Variants in SAMMSON observed in about 807,000 individuals in gnomAD.
SAMMSON encodes the protein long intergenic non-protein coding RNA 1212.
At chr3:70,354,589 A>G (rs937640970) in intron 8 of SAMMSON, among the ~76,000 whole-genome samples, 1 of 152,184 alleles carries the variant, frequency 6.6e-6, no homozygotes, top group Non-Finnish European at 1.5e-5. Context: ...TTCTGGCTGC[A>G]GGGAGTGTAA....
At chr3:70,266,656 T>C (rs1209308493) in intron 6 of SAMMSON, among the ~76,000 whole-genome samples, 1 of 152,076 alleles carries the variant, frequency 6.6e-6, no homozygotes, top group Non-Finnish European at 1.5e-5. Context: ...ATGTTGCCCA[T>C]GCTGGTCTCA....
At chr3:70,032,503 A>G (rs1576103162) in intron 3 of SAMMSON, among the ~76,000 whole-genome samples, 1 of 152,170 alleles carries the variant, frequency 6.6e-6, no homozygotes, top group East Asian at 1.9e-4. Flanking sequence ...AAAGGCTGGG[A>G]AGAAAACAAC....
At chr3:70,247,166 T>C (rs986801654) in intron 4 of SAMMSON, among the ~76,000 whole-genome samples, 2 of 152,022 alleles carry the variant, frequency 1.3e-5, no homozygotes, top group Non-Finnish European at 2.9e-5. Flanking sequence ...TTTTTCTCCT[T>C]TTTTCTAACT....
Position 70,215,532 on chromosome 3 carries a change from G to A in SAMMSON, n.508-33575G>A, listed in dbSNP as rs559795034. The stretch of plus-strand genomic sequence containing the variant: ...GCTTTTTCCAAACTTAGCCCTCAAA[G>A]CCCACTATAAGAAGCTTCCTACAAC... On this transcript the variant is annotated intron_variant and non_coding_transcript_variant, in intron 4 of 9. Transcript: ENST00000642114. 8.6e-5 allele frequency among the ~76,000 whole-genome samples: 13 copies of A among 152,032 alleles called. 1 individual carries two copies. The South Asian group carries it at 2.7e-3, about 32-fold the overall frequency.
chr3:70,020,746 A>G (rs2067010063), intron 3 of SAMMSON, among the ~76,000 whole-genome samples: 1 of 152,188 alleles, frequency 6.6e-6, no homozygotes, highest in African/African-American at 2.4e-5. Context: ...AGTAGCAGCT[A>G]CTGTTGATCG....
rs1241312209 is a variant in SAMMSON at position 70,262,639 on chromosome 3, A to G, written n.674+12969A>G. On this transcript the variant is annotated intron_variant and non_coding_transcript_variant, in intron 6 of 9. Coordinates refer to ENST00000642114, the Ensembl canonical transcript of SAMMSON. ...TCTGCTAGGTTCAAAGCAAGCAGTC[A>G]TTGACTCTCAAATTTTACACTTGTG... is the stretch of plus-strand genomic sequence containing the variant. 2.0e-5 allele frequency among the ~76,000 whole-genome samples: 3 copies of G among 152,286 alleles called. No homozygotes were observed. The East Asian group carries it at 5.8e-4, about 29-fold the overall frequency.
intron 3 of SAMMSON, among the ~76,000 whole-genome samples, chr3:70,049,923 T>C (rs2067140092): frequency 6.6e-6 from 1 of 152,088 alleles, no homozygotes. Flanking sequence ...TGTAACCCTT[T>C]AAGATAACAG....
intron 3 of SAMMSON, among the ~76,000 whole-genome samples, chr3:70,023,166 G>A (rs1183467492): frequency 6.6e-6 from 1 of 151,988 alleles, no homozygotes; most frequent in Non-Finnish European, 1.5e-5. Flanking sequence ...AATCTTATAT[G>A]TTTCTTTAGG....
At chr3:70,032,646 T>A (rs1400284400) in intron 3 of SAMMSON, among the ~76,000 whole-genome samples, 1 of 152,198 alleles carries the variant, frequency 6.6e-6, no homozygotes, top group East Asian at 1.9e-4. Flanking sequence ...AGTTTGATGG[T>A]TAGTACCATG....
intron 4 of SAMMSON, chr3:70,125,532 C>A: frequency 1.4e-6 from 1 of 692,256 alleles, no homozygotes; most frequent in Non-Finnish European, 2.6e-6. Context: ...AAGATTTTTC[C>A]AAATCCTATA....
At chr3:70,398,777 A>C (rs1170424595) in intron 2 of SAMMSON, among the ~76,000 whole-genome samples, 3 of 152,222 alleles carry the variant, frequency 2.0e-5, no homozygotes, top group Non-Finnish European at 4.4e-5. Flanking sequence ...TCTTCTGAGA[A>C]ACACATAAAT....
At chr3:70,091,703 C>T (rs1411500122) in intron 4 of SAMMSON, among the ~76,000 whole-genome samples, 2 of 152,206 alleles carry the variant, frequency 1.3e-5, no homozygotes, top group Non-Finnish European at 2.9e-5. Context: ...GAGTGACAGG[C>T]AAATATTTGG....
At chr3:70,003,957 ACTAT>A (rs1251122439) in intron 1 of SAMMSON, among the ~76,000 whole-genome samples, 1 of 151,998 alleles carries the variant, frequency 6.6e-6, no homozygotes, top group Non-Finnish European at 1.5e-5. Context: ...TTATATATTT[ACTAT>A]CTTTTTTCTT....
intron 6 of SAMMSON, among the ~76,000 whole-genome samples, chr3:70,268,474 CAAAAA>C (rs66482424): frequency 1.0e-5 from 1 of 96,612 alleles, no homozygotes; most frequent in South Asian, 3.7e-4. Context: ...GACTCCGTCT[CAAAAA>C]AAAAAAAAAA....
At chr3:70,236,119 T>G (rs908109496) in intron 4 of SAMMSON, among the ~76,000 whole-genome samples, 4 of 152,202 alleles carry the variant, frequency 2.6e-5, no homozygotes, top group Non-Finnish European at 4.4e-5. Context: ...ACCTAACTTA[T>G]TCTCTAATGA....
intron 3 of SAMMSON, among the ~76,000 whole-genome samples, chr3:70,048,527 G>T (rs2067135213): frequency 6.6e-6 from 1 of 152,010 alleles, no homozygotes; most frequent in South Asian, 2.1e-4. Flanking sequence ...TGATGAGGAA[G>T]TTTCATCCTT....
chr3:70,396,669 T>A (rs1347831925), intron 2 of SAMMSON, among the ~76,000 whole-genome samples: 1 of 152,204 alleles, frequency 6.6e-6, no homozygotes, highest in African/African-American at 2.4e-5. Flanking sequence ...GAAATCTGTC[T>A]TGGAAATGTA....
chr3:70,028,775 A>G (rs2067052888), intron 3 of SAMMSON, among the ~76,000 whole-genome samples: 1 of 152,202 alleles, frequency 6.6e-6, no homozygotes, highest in African/African-American at 2.4e-5. Flanking sequence ...TCAAAATGAG[A>G]TGTGTCTCAT....
intron 7 of SAMMSON, among the ~76,000 whole-genome samples, chr3:70,301,061 A>G (rs187471287): frequency 6.6e-6 from 1 of 152,222 alleles, no homozygotes; most frequent in African/African-American, 2.4e-5. Flanking sequence ...TTCCTCATTT[A>G]AAAAAGACGA....
Sources: allele counts gnomAD v4.1 joint callset (sites outside exome capture counted in the v4.1 genomes callset), GRCh38; gene constraint gnomAD v4.1.1; transcripts MANE v1.5; gene names NCBI Gene and HGNC (gene_info 2026-07-23, HGNC 2026-07-21).